Variants in SYNGR4 observed in about 807,000 individuals in gnomAD.
The protein encoded by SYNGR4 is synaptogyrin-4.
In SYNGR4, 15 loss-of-function variants were observed where a neutral mutation model predicts 15.5. The ratio of observed to expected loss-of-function variants is 0.97; its 90% CI spans 0.65 to 1.49. The LOEUF is 1.49. Ranked by LOEUF, SYNGR4 falls within the 40% of genes most tolerant of loss-of-function variation. The probability of loss-of-function intolerance (pLI) is 0.00; values close to 1 mark genes in which losing one functional copy is unlikely to be tolerated. For synonymous variants in SYNGR4, 121 were observed against 127.4 expected (o/e 0.95, Z 0.34); for missense variants, 292 against 299.3 (o/e 0.98, Z 0.18).
chr19:48,373,229 C>G, intron 2 of SYNGR4: 1 of 438,630 alleles, frequency 2.3e-6, no homozygotes, highest in South Asian at 2.4e-5. Context: ...TGGAAAGACT[C>G]CCCTGGGGCC....
At chr19:48,369,116 C>A (rs973442398) in intron 2 of SYNGR4, among the ~76,000 whole-genome samples, 1 of 152,088 alleles carries the variant, frequency 6.6e-6, no homozygotes, top group East Asian at 1.9e-4. Flanking sequence ...CTCCTTCCAC[C>A]GTCCCTACCC....
chr19:48,373,833 C>A lies in SYNGR4; in HGVS notation c.331+79C>A, dbSNP rs1043835638. 30 of 1,402,200 alleles carry A rather than the reference C, an allele frequency of 2.1e-5. No individual in the cohort carries two copies. In the Admixed American group the frequency reaches 4.7e-4, roughly 22 times the overall value. 86.9% of individuals were successfully genotyped at this position (1,402,200 alleles called of 1,614,324 possible). A position where few individuals can be genotyped will look rare whatever the true frequency, so the allele number is the denominator to read the frequency against. On this transcript the variant is annotated intron_variant, in intron 3 of 4. Coordinates refer to ENST00000344846, the MANE Select transcript of SYNGR4 (RefSeq NM_012451.4). ...TCCTGGCTCCCCAGGGCCTCCCGGG[C>A]ACAACCCTTCACCACCTAGCCGGCC...
At chr19:48,368,653 T>C (rs922205139) in intron 2 of SYNGR4, among the ~76,000 whole-genome samples, 11 of 152,172 alleles carry the variant, frequency 7.2e-5, no homozygotes, top group African/African-American at 2.7e-4. Context: ...GTGTTGGGAT[T>C]ACAGGCGTGA....
At chr19:48,367,000 A>G (rs978605092) in intron 2 of SYNGR4, among the ~76,000 whole-genome samples, 14 of 152,150 alleles carry the variant, frequency 9.2e-5, no homozygotes, top group Non-Finnish European at 1.0e-4. Flanking sequence ...CTAAAAATAC[A>G]AAAATTATCC....
intron 2 of SYNGR4, among the ~76,000 whole-genome samples, chr19:48,370,924 G>A (rs1041603842): frequency 6.6e-6 from 1 of 152,028 alleles, no homozygotes; most frequent in Non-Finnish European, 1.5e-5. Flanking sequence ...CTCTTGTCTT[G>A]CCCACCTCCG....
intron 1 of SYNGR4, among the ~76,000 whole-genome samples, chr19:48,364,965 C>T (rs955817602): frequency 2.0e-5 from 3 of 151,764 alleles, no homozygotes; most frequent in African/African-American, 7.3e-5. Flanking sequence ...CGCCCAACAA[C>T]CCCCTCAGCC....
At chr19:48,366,003 A>G in intron 2 of SYNGR4, 68 bp downstream of exon 2, 1 of 1,509,976 alleles carries the variant, frequency 6.6e-7, no homozygotes, top group Non-Finnish European at 9.2e-7. Flanking sequence ...ACTCCCAGAC[A>G]CAGTGCGGGA....
At chr19:48,375,466 CA>C (rs1970386537) in intron 3 of SYNGR4, 146 bp from the exon 4 acceptor site, 57 of 1,002,342 alleles carry the variant, frequency 5.7e-5, no homozygotes, top group Non-Finnish European at 8.2e-5. Context: ...GGAGATGTGT[CA>C]ACATAGAAGC....
intron 3 of SYNGR4, 131 bp from the exon 4 acceptor site, chr19:48,375,481 TA>T: frequency 2.5e-6 from 3 of 1,181,370 alleles, no homozygotes; most frequent in Non-Finnish European, 3.6e-6. Context: ...TAGAAGCTAA[TA>T]AAAAAAGTAT....
At chr19:48,368,086 G>A (rs534336769) in intron 2 of SYNGR4, among the ~76,000 whole-genome samples, 14 of 152,338 alleles carry the variant, frequency 9.2e-5, no homozygotes, top group African/African-American at 3.4e-4. Context: ...TGCTGTCCAT[G>A]CAAAGTGGCA....
intron 2 of SYNGR4, among the ~76,000 whole-genome samples, chr19:48,371,263 A>C (rs1321951372): frequency 6.6e-6 from 1 of 152,138 alleles, no homozygotes; most frequent in African/African-American, 2.4e-5. Flanking sequence ...TTTAAGGTCC[A>C]GTTCAGAACT....
rs1262702054 is a variant in SYNGR4 at position 48,373,716 on chromosome 19, T to C, written c.293T>C (p.Phe98Ser). Residue 98 changes from phenylalanine to serine, a missense_variant, in exon 3 of 5, where the codon TTC becomes TCC. Physicochemically the swap from Phe to Ser is radical, Grantham distance 155 (BLOSUM62 -2). Coordinates refer to ENST00000344846, the MANE Select transcript of SYNGR4 (RefSeq NM_012451.4). ...GAGACCCGCATTGCCGGCACCCGCTTCAAGACAGCCTTCCAGCTCCTGGAC... is the reference window on the plus strand; with the variant it reads ...GAGACCCGCATTGCCGGCACCCGCTCCAAGACAGCCTTCCAGCTCCTGGAC... Reference protein sequence around the residue: ...TQETRIAGTRFKTAFQLLDFI... With the variant: ...TQETRIAGTRSKTAFQLLDFI... 1 of 1,614,044 alleles carries C rather than the reference T, an allele frequency of 6.2e-7. No individual in the cohort carries two copies. Among genetic ancestry groups the C allele is most frequent in the Admixed American group, 1.7e-5 (1 of 60,016 alleles).
chr19:48,373,870 T>C, intron 3 of SYNGR4, 116 bp downstream of exon 3: 1 of 1,017,278 alleles, frequency 9.8e-7, no homozygotes, highest in Non-Finnish European at 1.5e-6. Context: ...CCACCCTGAC[T>C]GTCCTCCCAG....
Position 48,375,698 on chromosome 19 carries a change from G to T in SYNGR4, c.417G>T (p.Gly139=), listed in dbSNP as rs16982031. 2.2e-3 allele frequency: 3,522 copies of T among 1,614,064 alleles called. 23 individuals carry two copies. The highest frequency in any genetic ancestry group is 0.013 in the East Asian group (579 of 44,868). Reference sequence around the variant, plus strand: ...CGCCGCCCAAAGAGTTCCTCCTGGGGAGCAGCAGTGCCCAGGCAGCCATCG... The same window carrying T: ...CGCCGCCCAAAGAGTTCCTCCTGGGTAGCAGCAGTGCCCAGGCAGCCATCG... ...QHSPPKEFLL[G]SSSAQAAIAF... The change falls in exon 4 of 5, where the codon GGG becomes GGT. Residue 139 remains glycine (G), a synonymous_variant. Transcript: ENST00000344846.
In SYNGR4 at chr19:48,369,280, G is replaced by A. The variant is rs80290913; in HGVS notation, c.93+3345G>A. Among the ~76,000 whole-genome samples, 187 of 139,952 alleles carry A rather than the reference G, an allele frequency of 1.3e-3. 2 individuals carry two copies. The highest frequency in any genetic ancestry group is 4.6e-3 in the African/African-American group (175 of 38,070). The allele number at this position is 139,952 out of a possible 152,430, so 91.8% of individuals were successfully genotyped here. ...GGACAGGCCAGGGAGGGCATGGAAG[G>A]AGTTTGGACTGAAGCTTAAGAGGGA... On this transcript the variant is annotated intron_variant, in intron 2 of 4. Transcript: ENST00000344846.
rs74589642 is a variant in SYNGR4 at position 48,365,345 on chromosome 19, T to A, written c.-107-391T>A. ...CTAGCAGCCCTCTCCACACAACACC[T>A]TTCCTGGGACCCCCCAGAACCCCCA... On this transcript the variant is annotated intron_variant, in intron 1 of 4. Transcript: ENST00000344846. Among the ~76,000 whole-genome samples the A allele has an allele frequency of 8.0e-3, 478 of 60,026 alleles. 6 individuals carry two copies. The highest frequency in any genetic ancestry group is 0.029 in the African/African-American group (386 of 13,306). 39.4% of individuals were successfully genotyped at this position (60,026 alleles called of 152,430 possible).
At chr19:48,369,882 G>T (rs1336078767) in intron 2 of SYNGR4, among the ~76,000 whole-genome samples, 1 of 152,178 alleles carries the variant, frequency 6.6e-6, no homozygotes, top group Admixed American at 6.6e-5. Flanking sequence ...AAAATAGGGA[G>T]AATCATCTTA....
chr19:48,373,381 CTG>C (rs1970341024), intron 2 of SYNGR4, 134 bp from the exon 3 acceptor site: 1 of 752,586 alleles, frequency 1.3e-6, no homozygotes, highest in East Asian at 2.5e-5. Flanking sequence ...GGCTCTGACA[CTG>C]TGACAATGTC....
chr19:48,368,834 T>C (rs1970260136), intron 2 of SYNGR4, among the ~76,000 whole-genome samples: 1 of 152,234 alleles, frequency 6.6e-6, no homozygotes. Flanking sequence ...TTAGTTTCTC[T>C]ACTCCTCACC....
Sources: gnomAD v4.1 joint callset for allele counts (sites outside exome capture counted in the v4.1 genomes callset) on GRCh38, gnomAD v4.1.1 for gene constraint, MANE v1.5 for transcripts, NCBI Gene and HGNC (gene_info 2026-07-23, HGNC 2026-07-21) for gene names.